Variants in GLB1 observed in about 807,000 individuals in gnomAD.
GLB1 encodes beta-galactosidase.
Under a neutral mutation model 74.0 loss-of-function variants are expected in GLB1, and 56 were observed. The observed-to-expected ratio is 0.76, with a 90% CI of 0.61 to 0.94. The LOEUF (loss-of-function observed/expected upper bound fraction) is 0.94, where lower values mean the gene tolerates loss of function less well. Among genes scored for constraint, GLB1 ranks in the 40% least tolerant of loss-of-function variants. The probability of loss-of-function intolerance (pLI) is 0.00; values close to 1 mark genes in which losing one functional copy is unlikely to be tolerated. For missense variants in GLB1, 787 were observed against 845.5 expected, an observed-to-expected ratio of 0.93 and a Z score of 0.86; for synonymous variants, 323 against 323.6, an observed-to-expected ratio of 1.00 and a Z score of 0.02.
chr3:32,965,243 A>G, the GLB1 span, among the ~76,000 whole-genome samples: 1 of 152,210 alleles, frequency 6.6e-6, no homozygotes, highest in African/African-American at 2.4e-5. Context: ...TCAGAAGAAG[A>G]CAGGAAGATG....
At chr3:33,044,676 T>C (rs1698669954) in intron 10 of GLB1, among the ~76,000 whole-genome samples, 1 of 152,180 alleles carries the variant, frequency 6.6e-6, no homozygotes, top group South Asian at 2.1e-4. Context: ...AAGTCTAGAT[T>C]GTATTTTTTA....
At chr3:32,973,771 A>C in the GLB1 span, among the ~76,000 whole-genome samples, 1 of 152,234 alleles carries the variant, frequency 6.6e-6, no homozygotes, top group Admixed American at 6.5e-5. Flanking sequence ...ATGGTATGTA[A>C]ATTGTACATC....
At chr3:33,087,984 A>G (rs894765918) in intron 1 of GLB1, among the ~76,000 whole-genome samples, 1 of 152,232 alleles carries the variant, frequency 6.6e-6, no homozygotes, top group Non-Finnish European at 1.5e-5. Flanking sequence ...AATACACCAA[A>G]TTAACAGATT....
In GLB1 at chr3:33,038,019, C is replaced by CAA. The variant is rs63478362; in HGVS notation, c.1068+8099_1068+8100dup. 104 of 71,720 alleles carry CAA rather than the reference C, an allele frequency of 1.5e-3. 11 individuals are homozygous for CAA. Among genetic ancestry groups the CAA allele is most frequent in the African/African-American group, 5.9e-3 (96 of 16,358 alleles). The allele number at this position is 71,720 out of a possible 1,614,324, so 4.4% of individuals were successfully genotyped here. ...TCTCACACAATACTGGGCGACTCTTCAAAAAAAAAAAAAAAAAAAAAAAAA... is the reference window on the plus strand; with the variant it reads ...TCTCACACAATACTGGGCGACTCTTCAAAAAAAAAAAAAAAAAAAAAAAAAAA... On this transcript the variant is annotated intron_variant, in intron 10 of 15. Coordinates refer to ENST00000307363, the MANE Select transcript of GLB1 (RefSeq NM_000404.4).
At position 33,077,364 on chromosome 3, in the gene GLB1, C is replaced by T. The variant is rs531747047; in HGVS notation, c.76-4651G>A. The T allele has an allele frequency of 1.8e-4, 252 of 1,375,430 alleles. No homozygotes were observed. The African/African-American group carries it at 3.0e-3, about 16-fold the overall frequency. The allele number at this position is 1,375,430 out of a possible 1,614,324, so 85.2% of individuals were successfully genotyped here. ...GCCTGTTGTGAACGATAGGGATGGT[C>T]AATGAGACAGATCAGATTCCAATTT... On this transcript the variant is annotated intron_variant, in intron 1 of 15. Transcript: ENST00000307363.
the GLB1 span, among the ~76,000 whole-genome samples, chr3:32,986,943 T>C: frequency 2.0e-5 from 3 of 152,212 alleles, no homozygotes; most frequent in East Asian, 1.9e-4. Flanking sequence ...TGACCAACTA[T>C]TGCTCATCAC....
At chr3:33,066,283 C>T (rs1364433370) in intron 4 of GLB1, among the ~76,000 whole-genome samples, 1 of 152,110 alleles carries the variant, frequency 6.6e-6, no homozygotes, top group Non-Finnish European at 1.5e-5. Flanking sequence ...GAGGGCTCAG[C>T]CCTCATAAGT....
At chr3:33,090,776 ATGT>A (rs752142709) in intron 1 of GLB1, 219 of 985,312 alleles carry the variant, frequency 2.2e-4, no homozygotes, top group Non-Finnish European at 2.5e-4. Flanking sequence ...GAGGGTGTTG[ATGT>A]TGTTTCTCAG....
the GLB1 span, among the ~76,000 whole-genome samples, chr3:32,977,208 ATTT>A: frequency 7.1e-6 from 1 of 140,124 alleles, no homozygotes; most frequent in Admixed American, 7.2e-5. Flanking sequence ...CCTCATCTAG[ATTT>A]TTTTTTTTTT....
rs773073745 is a variant in GLB1, at chr3:33,093,980, G to T, written c.75+3031C>A. On this transcript the variant is annotated intron_variant, in intron 1 of 15. Coordinates refer to ENST00000307363, the MANE Select transcript of GLB1 (RefSeq NM_000404.4). The surrounding 1 kb of genome is among the most constrained non-coding windows in gnomAD (Gnocchi z 6.0). ...AGGTTGACTCTGCAGCTGGGGAGTG[G>T]CAGAGGTTGCTCACTGTGCTGCGCC... 1 of 1,614,170 alleles carries T rather than the reference G, an allele frequency of 6.2e-7. No homozygotes were observed. The highest frequency in any genetic ancestry group is 1.1e-5 in the South Asian group (1 of 91,076).
At chr3:33,091,281 A>T in intron 1 of GLB1, 2 of 985,500 alleles carry the variant, frequency 2.0e-6, no homozygotes, top group South Asian at 9.4e-5. Context: ...GCCTGGGAAC[A>T]AAAAGGGTGG....
intron 11 of GLB1, among the ~76,000 whole-genome samples, chr3:33,022,390 G>A (rs1697526321): frequency 6.6e-6 from 1 of 151,918 alleles, no homozygotes; most frequent in Non-Finnish European, 1.5e-5. Context: ...ATGAGATACA[G>A]CGTTTTACAT....
chr3:33,018,466 T>C lies in GLB1; in HGVS notation c.1329A>G (p.Ala443=). 1 of 1,614,030 alleles carries C rather than the reference T, an allele frequency of 6.2e-7. No homozygotes were observed. Among genetic ancestry groups the C allele is most frequent in the South Asian group, 1.1e-5 (1 of 91,072 alleles). The change falls in exon 13 of 16, where the codon GCA becomes GCG. Residue 443 remains alanine (A), a synonymous_variant. Coordinates refer to ENST00000307363, the MANE Select transcript of GLB1 (RefSeq NM_000404.4). ...SSPLNGVHDR[A]YVAVDGIPQG... is the part of the protein sequence containing the mutation. ...TTCTTACCCCATCCACAGCAACATATGCTCGATCGTGGACTCCATTGAGGG... is the reference window on the plus strand; with the variant it reads ...TTCTTACCCCATCCACAGCAACATACGCTCGATCGTGGACTCCATTGAGGG...
intron 10 of GLB1, among the ~76,000 whole-genome samples, chr3:33,031,675 A>ATATATATATATATAT (rs1698048432): frequency 1.1e-4 from 14 of 128,352 alleles, no homozygotes; most frequent in Admixed American, 2.5e-4. Context: ...ATATATATAT[A>ATATATATATATATAT]ATCTCCACTA....
intron 1 of GLB1, chr3:33,076,991 A>G: frequency 1.7e-6 from 2 of 1,155,514 alleles, no homozygotes; most frequent in South Asian, 3.1e-5. Context: ...TGGGAGGCCA[A>G]GGCAGGAGAA....
chr3:32,999,634 G>T lies in GLB1; in HGVS notation c.1735-2290C>A, dbSNP rs1696466904. ...TTCTGGGTTAGCGTTGGTCAGAAGAGGCCCTTGCTTGAGATTGGGAGGGTG... is the reference window on the plus strand; with the variant it reads ...TTCTGGGTTAGCGTTGGTCAGAAGATGCCCTTGCTTGAGATTGGGAGGGTG... On this transcript the variant is annotated intron_variant, in intron 15 of 15. Transcript: ENST00000307363. Among the ~76,000 whole-genome samples, 4 of 152,264 alleles carry T rather than the reference G, an allele frequency of 2.6e-5. No individual in the cohort carries two copies. The South Asian group carries it at 8.3e-4, about 32-fold the overall frequency.
chr3:33,009,154 T>TAAATAAATAAATAAATAAAAAAAA (rs761134064), intron 15 of GLB1, among the ~76,000 whole-genome samples: 2 of 131,518 alleles, frequency 1.5e-5, no homozygotes, highest in Non-Finnish European at 3.4e-5. Flanking sequence ...AATAAATAAA[T>TAAATAAATAAATAAATAAAAAAAA]AAAAAAGATT....
At chr3:33,042,247 C>T (rs371241532) in intron 10 of GLB1, among the ~76,000 whole-genome samples, 19 of 152,250 alleles carry the variant, frequency 1.2e-4, no homozygotes, top group South Asian at 1.2e-3. Flanking sequence ...GCTTTAACAA[C>T]GGCTCTGCTC....
chr3:33,043,074 T>C (rs546612682), intron 10 of GLB1, among the ~76,000 whole-genome samples: 4 of 152,278 alleles, frequency 2.6e-5, no homozygotes, highest in Admixed American at 2.6e-4. Context: ...ATGACAATAA[T>C]AACATACAAA....
Sources: gnomAD v4.1 joint callset for allele counts (sites outside exome capture counted in the v4.1 genomes callset) on GRCh38, gnomAD v4.1.1 for gene constraint, Gnocchi (gnomAD v3.1) non-coding constraint, MANE v1.5 for transcripts, NCBI Gene and HGNC (gene_info 2026-07-23, HGNC 2026-07-21) for gene names.